The following CCSER1 variants were observed in gnomAD, a reference collection of about 807,000 sequenced individuals.
The protein encoded by CCSER1 is serine-rich coiled-coil domain-containing protein 1.
Under a neutral mutation model 82.0 loss-of-function variants are expected in CCSER1, and 41 were observed. That is an observed-to-expected ratio of 0.50 (90% CI 0.39 to 0.65). The LOEUF is 0.65. CCSER1 is among the 30% of genes least tolerant of loss of function. The pLI, the probability that CCSER1 is intolerant of heterozygous loss-of-function variation, is 0.00. For synonymous variants in CCSER1, 414 were observed against 383.9 expected (o/e 1.08, Z -0.92); for missense variants, 1,119 against 1,064.2 (o/e 1.05, Z -0.72).
At chr4:90,155,677 A>T (rs1456528109) in intron 1 of CCSER1, among the ~76,000 whole-genome samples, 2 of 152,198 alleles carry the variant, frequency 1.3e-5, no homozygotes, top group African/African-American at 4.8e-5. Flanking sequence ...AGAGGTGTTC[A>T]TAGTATTCTC....
chr4:90,552,081 T>C (rs1468057920), intron 5 of CCSER1, among the ~76,000 whole-genome samples: 1 of 152,140 alleles, frequency 6.6e-6, no homozygotes, highest in East Asian at 1.9e-4. Context: ...ATAAAGACCT[T>C]AGCCCCATTC....
chr4:90,983,703 C>T (rs1253335705), intron 9 of CCSER1, among the ~76,000 whole-genome samples: 1 of 151,708 alleles, frequency 6.6e-6, no homozygotes, highest in African/African-American at 2.4e-5. Context: ...AGAAATTATG[C>T]ATTTGGGCTA....
intron 10 of CCSER1, among the ~76,000 whole-genome samples, chr4:91,196,409 C>T (rs1272567384): frequency 6.6e-6 from 1 of 151,900 alleles, no homozygotes; most frequent in South Asian, 2.1e-4. Context: ...TTAAACAAAA[C>T]AGAACACCAC....
chr4:90,909,455 G>A (rs1561344098), intron 8 of CCSER1, among the ~76,000 whole-genome samples: 1 of 152,038 alleles, frequency 6.6e-6, no homozygotes, highest in East Asian at 1.9e-4. Context: ...AGTAGGCTGG[G>A]GTGGAGGCAG....
At chr4:91,565,549 A>ATTTG (rs1189295975) in intron 10 of CCSER1, among the ~76,000 whole-genome samples, 2 of 151,692 alleles carry the variant, frequency 1.3e-5, no homozygotes, top group East Asian at 3.9e-4. Context: ...TTTTTTTTCC[A>ATTTG]TTTGTTTGTA....
chr4:90,308,869 T>G lies in CCSER1; in HGVS notation c.585T>G (p.Val195=). The G allele has an allele frequency of 6.2e-7, 1 of 1,613,892 alleles. No individual in the cohort carries two copies. Among genetic ancestry groups the G allele is most frequent in the Non-Finnish European group, 8.5e-7 (1 of 1,179,842 alleles). Reference sequence around the variant, plus strand: ...CTCACTATAAATTTTCTAAGCCAGTTCTACAGAGCCAATCCATTTCATTGG... The same window carrying G: ...CTCACTATAAATTTTCTAAGCCAGTGCTACAGAGCCAATCCATTTCATTGG... The part of the protein sequence containing the change: ...FSSHYKFSKP[V]LQSQSISLVQ... The change falls in exon 2 of 11, where the codon GTT becomes GTG. Residue 195 remains valine, a synonymous_variant. Transcript: ENST00000509176.
chr4:90,336,811 GT>G (rs1207123045), intron 3 of CCSER1, among the ~76,000 whole-genome samples: 1 of 152,096 alleles, frequency 6.6e-6, no homozygotes, highest in Non-Finnish European at 1.5e-5. Context: ...AATTCAGCCA[GT>G]TTTTTTGCAT....
chr4:90,433,886 A>G (rs1758653546), intron 4 of CCSER1, among the ~76,000 whole-genome samples: 1 of 151,594 alleles, frequency 6.6e-6, no homozygotes, highest in South Asian at 2.1e-4. Flanking sequence ...ATATATATAT[A>G]TGCAAATTGT....
chr4:91,446,338 T>G (rs1458740690), intron 10 of CCSER1, among the ~76,000 whole-genome samples: 1 of 152,036 alleles, frequency 6.6e-6, no homozygotes, highest in Non-Finnish European at 1.5e-5. Flanking sequence ...GGTCATCACT[T>G]TAGACATTTT....
At chr4:91,186,108 G>A (rs1243527099) in intron 10 of CCSER1, among the ~76,000 whole-genome samples, 1 of 152,166 alleles carries the variant, frequency 6.6e-6, no homozygotes, top group African/African-American at 2.4e-5. Context: ...TCGAGGCGCT[G>A]CTTGAACAGT....
intron 9 of CCSER1, among the ~76,000 whole-genome samples, chr4:90,980,861 A>G (rs1244422559): frequency 6.6e-6 from 1 of 151,824 alleles, no homozygotes; most frequent in Non-Finnish European, 1.5e-5. Context: ...GAATACTCGA[A>G]CTACCACAGT....
At chr4:90,374,032 C>G (rs1451756479) in intron 3 of CCSER1, among the ~76,000 whole-genome samples, 2 of 152,316 alleles carry the variant, frequency 1.3e-5, no homozygotes, top group Non-Finnish European at 1.5e-5. Flanking sequence ...ACCCAGGAGT[C>G]TTGTGGCTTT....
intron 1 of CCSER1, among the ~76,000 whole-genome samples, chr4:90,296,436 G>A (rs1325290953): frequency 6.6e-6 from 1 of 152,046 alleles, no homozygotes; most frequent in Non-Finnish European, 1.5e-5. Flanking sequence ...CTCCTATTCT[G>A]TAGGTTGCCG....
chr4:90,886,565 A>G (rs1340482158), intron 8 of CCSER1, among the ~76,000 whole-genome samples: 1 of 152,188 alleles, frequency 6.6e-6, no homozygotes, highest in Non-Finnish European at 1.5e-5. Context: ...TGTAAACTCT[A>G]AGATAGGTAA....
chr4:90,452,201 AG>A (rs1271107216), intron 4 of CCSER1, among the ~76,000 whole-genome samples: 3 of 152,050 alleles, frequency 2.0e-5, no homozygotes, highest in South Asian at 4.2e-4. Flanking sequence ...AGGTTCTCTA[AG>A]GGGGTTTTTT....
chr4:91,469,186 A>G (rs1484234586), intron 10 of CCSER1, among the ~76,000 whole-genome samples: 4 of 152,148 alleles, frequency 2.6e-5, no homozygotes, highest in Non-Finnish European at 5.9e-5. Context: ...CAAGCTGCTC[A>G]TATCTTTAGG....
intron 10 of CCSER1, among the ~76,000 whole-genome samples, chr4:91,271,724 TACATATGATAC>T (rs1451896825): frequency 6.6e-6 from 1 of 151,866 alleles, no homozygotes; most frequent in Non-Finnish European, 1.5e-5. Context: ...CATACACATA[TACATATGATAC>T]ACATATATAT....
chr4:90,794,941 T>C (rs779959383), intron 7 of CCSER1, among the ~76,000 whole-genome samples: 10 of 152,224 alleles, frequency 6.6e-5, no homozygotes, highest in Middle Eastern at 3.4e-3. Flanking sequence ...AACTGTAAAT[T>C]GGATTGCATT....
chr4:91,442,418 T>C (rs1333258347), intron 10 of CCSER1, among the ~76,000 whole-genome samples: 2 of 148,796 alleles, frequency 1.3e-5, no homozygotes, highest in African/African-American at 4.9e-5. Flanking sequence ...TGGCTAGCCA[T>C]ATGTAGAAAG....
Sources: allele counts gnomAD v4.1 joint callset (sites outside exome capture counted in the v4.1 genomes callset), GRCh38; gene constraint gnomAD v4.1.1; transcripts MANE v1.5; gene names NCBI Gene and HGNC (gene_info 2026-07-23, HGNC 2026-07-21).